COL6A6: variants seen among roughly 807,000 people sequenced by gnomAD.
COL6A6 encodes collagen type VI alpha 6 chain.
A neutral mutation model predicts 208.6 loss-of-function variants in COL6A6; 183 were observed. That is an observed-to-expected ratio of 0.88 (90% CI 0.78 to 0.99). The LOEUF is 0.99. Ranked by LOEUF, COL6A6 falls within the 50% of genes least tolerant of loss-of-function variation. The pLI, the probability that COL6A6 is intolerant of heterozygous loss-of-function variation, is 0.00. For missense variants in COL6A6, 2,816 were observed against 2,815.2 expected (o/e 1.00, Z -0.01); for synonymous variants, 973 against 1,011.8 (o/e 0.96, Z 0.73).
intron 1 of COL6A6, among the ~76,000 whole-genome samples, chr3:130,526,503 A>G (rs2061965071): frequency 2.0e-5 from 3 of 152,144 alleles, no homozygotes; most frequent in Non-Finnish European, 2.9e-5. Flanking sequence ...GCACCAATCT[A>G]ATTTATGGTC....
chr3:130,521,077 C>T (rs1450818818), intron 1 of COL6A6, among the ~76,000 whole-genome samples: 1 of 152,066 alleles, frequency 6.6e-6, no homozygotes, highest in Non-Finnish European at 1.5e-5. Flanking sequence ...TACATGTAAC[C>T]ATTTTAAAAC....
intron 1 of COL6A6, among the ~76,000 whole-genome samples, chr3:130,520,520 T>C (rs1711005958): frequency 6.6e-6 from 1 of 152,202 alleles, no homozygotes; most frequent in African/African-American, 2.4e-5. Flanking sequence ...ATATAAGTCA[T>C]GTACAGAAGA....
intron 1 of COL6A6, among the ~76,000 whole-genome samples, chr3:130,533,027 G>T (rs1297846963): frequency 6.6e-6 from 1 of 152,112 alleles, no homozygotes; most frequent in Non-Finnish European, 1.5e-5. Context: ...CAGCTCCAAG[G>T]TTTCTTATGA....
At chr3:130,601,943 A>C (rs1033713453) in intron 20 of COL6A6, among the ~76,000 whole-genome samples, 2 of 152,222 alleles carry the variant, frequency 1.3e-5, no homozygotes, top group African/African-American at 2.4e-5. Context: ...CTTCAAAACT[A>C]ACTGCCATAG....
intron 10 of COL6A6, among the ~76,000 whole-genome samples, chr3:130,584,620 A>G (rs1160859434): frequency 6.6e-6 from 1 of 151,436 alleles, no homozygotes; most frequent in Non-Finnish European, 1.5e-5. Context: ...TTTTTAAATT[A>G]ATTTATTTTT....
intron 4 of COL6A6, among the ~76,000 whole-genome samples, chr3:130,565,938 C>T (rs1259479187): frequency 6.6e-6 from 1 of 152,092 alleles, no homozygotes; most frequent in Non-Finnish European, 1.5e-5. Context: ...TCTCACGTTC[C>T]CCTGCTCTTC....
intron 7 of COL6A6, among the ~76,000 whole-genome samples, chr3:130,573,563 C>CT (rs55821593): frequency 0.02 from 1,663 of 84,488 alleles, 56 homozygotes; most frequent in African/African-American, 0.062. Flanking sequence ...TAGCTGCAAA[C>CT]TTTTTTTTTT....
chr3:130,586,215 G>C (rs1282793012), intron 10 of COL6A6, among the ~76,000 whole-genome samples: 1 of 152,180 alleles, frequency 6.6e-6, no homozygotes, highest in Non-Finnish European at 1.5e-5. Flanking sequence ...CTTTACTTTA[G>C]CATGCTCTGT....
At position 130,592,999 on chromosome 3, in the gene COL6A6, G is replaced by A. The variant is rs983194254; in HGVS notation, c.4372-62G>A. 2.1e-6 allele frequency: 3 copies of A among 1,446,224 alleles called. No homozygotes were observed. In the African/African-American group the frequency reaches 4.2e-5, roughly 20 times the overall value. 89.6% of individuals were successfully genotyped at this position (1,446,224 alleles called of 1,614,324 possible). On this transcript the variant is annotated intron_variant, in intron 15 of 36. Coordinates refer to ENST00000358511, the MANE Select transcript of COL6A6 (RefSeq NM_001102608.3). ...AACACAAAAATAGAGTTTTTGTTTG[G>A]CATCTGACTTCTTTACACATGCACG...
At chr3:130,578,090 A>G (rs987093928) in intron 8 of COL6A6, among the ~76,000 whole-genome samples, 3 of 152,092 alleles carry the variant, frequency 2.0e-5, no homozygotes, top group African/African-American at 4.8e-5. Flanking sequence ...GGAGACTTTG[A>G]GCAATTTTTA....
In COL6A6 at chr3:130,621,835, C is replaced by T. The variant is rs533372119; in HGVS notation, c.4830C>T (p.Pro1610=). The change falls in exon 24 of 37, where the codon CCC becomes CCT. Residue 1610 remains proline (P), a synonymous_variant. Coordinates refer to ENST00000358511, the MANE Select transcript of COL6A6 (RefSeq NM_001102608.3). ...TTTTGTTTCAGGGGCCTCCAGGACC[C>T]GGAGGAGAGGCAGGGAATCAAGGCC... The part of the protein sequence containing the change: ...GSKGPQGPPG[P]GGEAGNQGRL... The T allele has an allele frequency of 3.5e-5, 56 of 1,613,636 alleles. No individual in the cohort carries two copies. In the East Asian group the frequency reaches 8.0e-4, roughly 23 times the overall value.
intron 21 of COL6A6, among the ~76,000 whole-genome samples, chr3:130,607,354 T>C (rs950985039): frequency 6.6e-6 from 1 of 152,220 alleles, no homozygotes; most frequent in Admixed American, 6.5e-5. Context: ...ACAAATTGGA[T>C]ATTCTGAGTA....
chr3:130,622,717 C>T (rs921188114), intron 24 of COL6A6, among the ~76,000 whole-genome samples: 8 of 151,846 alleles, frequency 5.3e-5, no homozygotes, highest in African/African-American at 9.7e-5. Context: ...TTTAGCCGGG[C>T]GAGGTGGCGG....
chr3:130,669,281 G>C (rs1351712173), intron 36 of COL6A6, among the ~76,000 whole-genome samples: 1 of 152,108 alleles, frequency 6.6e-6, no homozygotes, highest in Non-Finnish European at 1.5e-5. Context: ...TGTAATCCCA[G>C]CTACTCGGGA....
At position 130,549,139 on chromosome 3, in the gene COL6A6, T is replaced by A. The variant is rs1370449071; in HGVS notation, c.-31-11195T>A. Among the ~76,000 whole-genome samples, 4 of 152,210 alleles carry A rather than the reference T, an allele frequency of 2.6e-5. No individual in the cohort carries two copies. In the East Asian group the frequency reaches 7.7e-4, roughly 29 times the overall value. ...GCTCTATGTAGTTTTCTGGGATTCATGTTTTCGCTCTTTATATTGCTAAGA... is the reference window on the plus strand; with the variant it reads ...GCTCTATGTAGTTTTCTGGGATTCAAGTTTTCGCTCTTTATATTGCTAAGA... On this transcript the variant is annotated intron_variant, in intron 1 of 36. Coordinates refer to ENST00000358511, the MANE Select transcript of COL6A6 (RefSeq NM_001102608.3).
intron 34 of COL6A6, 29 bp from the exon 35 acceptor site, chr3:130,661,608 A>G (rs2065933043): frequency 6.4e-7 from 1 of 1,557,138 alleles, no homozygotes; most frequent in Non-Finnish European, 8.7e-7. Flanking sequence ...ATTTCTACTT[A>G]GTAACCCAGA....
intron 1 of COL6A6, among the ~76,000 whole-genome samples, chr3:130,528,791 T>TA (rs1357463965): frequency 3.3e-5 from 5 of 152,088 alleles, no homozygotes; most frequent in Non-Finnish European, 7.4e-5. Flanking sequence ...CTGATAGACT[T>TA]AAAAAGCTCC....
intron 29 of COL6A6, among the ~76,000 whole-genome samples, chr3:130,642,243 A>ATGTG (rs3074299): frequency 0.032 from 4,542 of 142,138 alleles, 227 homozygotes; most frequent in African/African-American, 0.1. Flanking sequence ...GACAGATTAT[A>ATGTG]TGTGTGTGTG....
chr3:130,566,948 G>C lies in COL6A6; in HGVS notation c.1529G>C (p.Gly510Ala). ...GCCATTGAGAATATCAGGCAGATGG[G>C]TGGGAATACAAACACAGGCGCAGCA... Reference protein sequence around the residue: ...GKAIENIRQMGGNTNTGAALN... With the variant: ...GKAIENIRQMAGNTNTGAALN... Residue 510 changes from glycine (G) to alanine (A), a missense_variant, in exon 5 of 37, where the codon GGT (glycine) becomes GCT (alanine). By Grantham distance (60) the Gly-to-Ala change is moderately conservative (BLOSUM62 0). Transcript: ENST00000358511. 1.2e-6 allele frequency: 2 copies of C among 1,613,998 alleles called. No individual in the cohort carries two copies. The highest frequency in any genetic ancestry group is 1.7e-6 in the Non-Finnish European group (2 of 1,179,862).
Sources: allele counts gnomAD v4.1 joint callset (sites outside exome capture counted in the v4.1 genomes callset), GRCh38; gene constraint gnomAD v4.1.1; transcripts MANE v1.5; gene names NCBI Gene and HGNC (gene_info 2026-07-23, HGNC 2026-07-21).